Variants in CRACD observed in about 807,000 individuals in gnomAD.
CRACD encodes capping protein-inhibiting regulator of actin dynamics.
Under a neutral mutation model 106.8 loss-of-function variants are expected in CRACD, and 56 were observed. The ratio of observed to expected loss-of-function variants is 0.52; its 90% CI spans 0.42 to 0.66. CRACD has a LOEUF of 0.66. Ranked by LOEUF, CRACD falls within the 30% of genes least tolerant of loss-of-function variation. CRACD has a pLI of 0.00. For missense variants in CRACD, 1,730 were observed against 1,623.2 expected (o/e 1.07, Z -1.13); for synonymous variants, 754 against 670.8 (o/e 1.12, Z -1.92).
intron 3 of CRACD, among the ~76,000 whole-genome samples, chr4:56,273,556 A>T (rs1251760541): frequency 1.3e-5 from 2 of 152,180 alleles, no homozygotes; most frequent in Non-Finnish European, 2.9e-5. Flanking sequence ...TGAAGTCAGT[A>T]TCAGAGCTGG....
intron 1 of CRACD, among the ~76,000 whole-genome samples, chr4:56,061,595 C>T (rs1732279058): frequency 6.6e-6 from 1 of 152,010 alleles, no homozygotes; most frequent in African/African-American, 2.4e-5. Context: ...GAGATACAGA[C>T]AGGATCCCTG....
intron 3 of CRACD, among the ~76,000 whole-genome samples, chr4:56,275,675 GACT>G (rs1395426744): frequency 2.0e-5 from 3 of 152,172 alleles, no homozygotes; most frequent in African/African-American, 7.2e-5. Flanking sequence ...TCAATTAACA[GACT>G]GTTACTTTAC....
chr4:56,191,532 C>T (rs28603122), intron 2 of CRACD, among the ~76,000 whole-genome samples: 44,422 of 152,058 alleles, frequency 0.29, 6,707 homozygotes, highest in South Asian at 0.35. Context: ...TGGGCCCATC[C>T]AGATAATCCA....
intron 1 of CRACD, chr4:56,049,795 A>G (rs1418046571): frequency 6.6e-6 from 1 of 152,200 alleles, no homozygotes; most frequent in Non-Finnish European, 1.5e-5. Flanking sequence ...TTGTTGCCCC[A>G]ATTCTGATGA....
chr4:56,316,782 T>G, intron 8 of CRACD, 93 bp downstream of exon 8: 1 of 1,399,880 alleles, frequency 7.1e-7, no homozygotes, highest in Non-Finnish European at 9.6e-7. Flanking sequence ...TGAGAATAAT[T>G]TACCAACAAT....
intron 2 of CRACD, among the ~76,000 whole-genome samples, chr4:56,182,659 A>G (rs1349396491): frequency 3.3e-5 from 5 of 152,144 alleles, no homozygotes; most frequent in African/African-American, 9.7e-5. Flanking sequence ...CTTAACTCCA[A>G]GAGAGCTCAC....
chr4:56,074,960 T>C (rs1732787785), intron 1 of CRACD, among the ~76,000 whole-genome samples: 1 of 152,202 alleles, frequency 6.6e-6, no homozygotes, highest in African/African-American at 2.4e-5. Context: ...GTTTTTGTGA[T>C]TGGTTCTGTT....
At chr4:56,254,089 C>CT (rs969036613) in intron 2 of CRACD, among the ~76,000 whole-genome samples, 1 of 152,168 alleles carries the variant, frequency 6.6e-6, no homozygotes, top group African/African-American at 2.4e-5. Flanking sequence ...ATTGTTATCT[C>CT]TTTTGTCTCC....
intron 10 of CRACD, among the ~76,000 whole-genome samples, chr4:56,325,827 C>T (rs992556070): frequency 4.6e-5 from 7 of 152,088 alleles, no homozygotes; most frequent in African/African-American, 1.7e-4. Context: ...TACCTGAGGT[C>T]AAGAGATATT....
chr4:56,083,502 C>T (rs181123585), intron 1 of CRACD, among the ~76,000 whole-genome samples: 2 of 152,102 alleles, frequency 1.3e-5, no homozygotes, highest in East Asian at 3.9e-4. Context: ...CATCCCATAC[C>T]ATACCCCACC....
intron 2 of CRACD, among the ~76,000 whole-genome samples, chr4:56,211,055 G>T (rs1738376932): frequency 6.6e-6 from 1 of 152,178 alleles, no homozygotes; most frequent in Non-Finnish European, 1.5e-5. Flanking sequence ...GGCATCCCTA[G>T]ATGAGACTAA....
At chr4:56,250,813 T>C (rs1741008597) in intron 2 of CRACD, among the ~76,000 whole-genome samples, 1 of 152,208 alleles carries the variant, frequency 6.6e-6, no homozygotes. Context: ...ATGGCCTAAG[T>C]TTAATACAGT....
intron 2 of CRACD, among the ~76,000 whole-genome samples, chr4:56,260,328 T>C (rs1042081855): frequency 6.6e-6 from 1 of 152,230 alleles, no homozygotes; most frequent in Admixed American, 6.5e-5. Flanking sequence ...CTTTGCATCC[T>C]CTTCTGGGGG....
At chr4:56,189,733 AT>A (rs1341340788) in intron 2 of CRACD, among the ~76,000 whole-genome samples, 4 of 150,682 alleles carry the variant, frequency 2.7e-5, no homozygotes, top group African/African-American at 7.3e-5. Context: ...TGAACTCATC[AT>A]TTTTTATGGC....
chr4:56,065,253 A>C (rs1732427312), intron 1 of CRACD, among the ~76,000 whole-genome samples: 3 of 151,392 alleles, frequency 2.0e-5, no homozygotes, highest in Non-Finnish European at 4.4e-5. Flanking sequence ...ATGCCCAACT[A>C]ATTTTTGTAT....
At chr4:56,076,806 AGGGG>A (rs1732854709) in intron 1 of CRACD, among the ~76,000 whole-genome samples, 1 of 152,148 alleles carries the variant, frequency 6.6e-6, no homozygotes. Flanking sequence ...AAGCTTTGTG[AGGGG>A]GACCCTATCT....
intron 1 of CRACD, among the ~76,000 whole-genome samples, chr4:56,174,542 CCTCT>C (rs1736505223): frequency 6.6e-6 from 1 of 152,304 alleles, no homozygotes; most frequent in East Asian, 1.9e-4. Context: ...GTGATATTTG[CCTCT>C]CTGTTTCTGG....
intron 2 of CRACD, among the ~76,000 whole-genome samples, chr4:56,258,479 A>T (rs1168722911): frequency 6.6e-6 from 1 of 152,218 alleles, no homozygotes; most frequent in Non-Finnish European, 1.5e-5. Context: ...ATAAACTTCT[A>T]AATTGATTGA....
intron 1 of CRACD, among the ~76,000 whole-genome samples, chr4:56,154,072 A>G (rs934591502): frequency 2.6e-5 from 4 of 152,218 alleles, no homozygotes; most frequent in Non-Finnish European, 5.9e-5. Flanking sequence ...ATTAGAAGAG[A>G]GTCACTGTGG....
Sources: allele counts gnomAD v4.1 joint callset (sites outside exome capture counted in the v4.1 genomes callset), GRCh38; gene constraint gnomAD v4.1.1; transcripts MANE v1.5; gene names NCBI Gene and HGNC (gene_info 2026-07-23, HGNC 2026-07-21).